DMD: variants seen among roughly 807,000 people sequenced by gnomAD.
DMD encodes the protein dystrophin.
In DMD, 63 loss-of-function variants were observed where a neutral mutation model predicts 330.1. The ratio of observed to expected loss-of-function variants is 0.19; its 90% confidence interval spans 0.16 to 0.24. The LOEUF (loss-of-function observed/expected upper bound fraction) is 0.24. Ranked by LOEUF, DMD falls within the 10% of genes least tolerant of loss-of-function variation. The pLI, the probability that DMD is intolerant of heterozygous loss-of-function variation, is 1.00. For missense variants in DMD, 3,344 were observed against 2,684.1 expected (o/e 1.25, Z -5.43); for synonymous variants, 1,223 against 959.8 (o/e 1.27, Z -5.07).
intron 42 of DMD, among the ~76,000 whole-genome samples, chrX:32,297,520 C>T (rs2097503083): frequency 9.0e-6 from 1 of 111,253 alleles, no homozygotes; most frequent in South Asian, 3.8e-4. Flanking sequence ...TGGTCACCCG[C>T]CTTGGCCTCC....
At position 32,693,976 on chromosome X, in the gene DMD, T is replaced by TTA. The variant is rs200330920; in HGVS notation, c.960+3892_960+3893dup. On this transcript the variant is annotated intron_variant, in intron 9 of 78. Transcript: ENST00000357033. ...ATTCCACTGTAGTAACTGCTATATA[T>TTA]TAGGATTTCCCAGACATCGTACCCT... Among the ~76,000 whole-genome samples the TTA allele has an allele frequency of 2.1e-3, 237 of 112,090 alleles. 2 individuals are homozygous for TTA. Among genetic ancestry groups the TTA allele is most frequent in the African/African-American group, 7.5e-3 (230 of 30,871 alleles).
At chrX:32,862,882 G>A (rs749942282) in intron 2 of DMD, among the ~76,000 whole-genome samples, 43 of 110,300 alleles carry the variant, frequency 3.9e-4, no homozygotes, top group South Asian at 2.8e-3. Flanking sequence ...GATTACAGGC[G>A]CGAGCCACTA....
intron 2 of DMD, among the ~76,000 whole-genome samples, chrX:32,855,868 T>C (rs980000228): frequency 2.7e-5 from 3 of 111,305 alleles, no homozygotes; most frequent in Non-Finnish European, 5.7e-5. Flanking sequence ...ATCAACAAAG[T>C]GAAGACACAA....
chrX:33,069,226 C>G (rs963681368), intron 1 of DMD, among the ~76,000 whole-genome samples: 5 of 111,020 alleles, frequency 4.5e-5, no homozygotes, highest in Admixed American at 3.9e-4. Flanking sequence ...TGTTTTTCAT[C>G]TCCTTCAACA....
At chrX:32,648,971 T>C (rs915538534) in intron 9 of DMD, among the ~76,000 whole-genome samples, 3 of 111,826 alleles carry the variant, frequency 2.7e-5, no homozygotes, top group African/African-American at 9.7e-5. Context: ...AAGATGCCAG[T>C]ATCATCAACT....
intron 52 of DMD, among the ~76,000 whole-genome samples, chrX:31,725,733 G>C (rs1005464759): frequency 7.1e-5 from 8 of 112,158 alleles, no homozygotes; most frequent in South Asian, 3.7e-4. Context: ...CCCCGAAATG[G>C]TAGTGGTGGG....
chrX:32,758,292 C>G (rs1028903432), intron 7 of DMD, among the ~76,000 whole-genome samples: 8 of 111,451 alleles, frequency 7.2e-5, no homozygotes, highest in Admixed American at 9.6e-5. Context: ...CATTTTAATT[C>G]TTTAGCTTTA....
chrX:32,377,912 T>C (rs937442271), intron 34 of DMD, among the ~76,000 whole-genome samples: 1 of 111,420 alleles, frequency 9.0e-6, no homozygotes, highest in Non-Finnish European at 1.9e-5. Context: ...TCTGCTCCAA[T>C]ATTTTTTCCT....
chrX:32,509,416 G>A (rs1287767145), intron 18 of DMD, among the ~76,000 whole-genome samples: 1 of 111,170 alleles, frequency 9.0e-6, no homozygotes, highest in Non-Finnish European at 1.9e-5. Context: ...AGTCTAAAGA[G>A]ATATATTTTG....
intron 62 of DMD, among the ~76,000 whole-genome samples, chrX:31,318,912 T>A (rs1310984960): frequency 1.8e-5 from 2 of 112,111 alleles, no homozygotes; most frequent in Non-Finnish European, 3.8e-5. Flanking sequence ...GACCAGCTTG[T>A]CTAAAAATCA....
At chrX:33,162,598 G>A (rs2048819651) in intron 1 of DMD, among the ~76,000 whole-genome samples, 1 of 111,559 alleles carries the variant, frequency 9.0e-6, no homozygotes, top group Non-Finnish European at 1.9e-5. Flanking sequence ...GGAAGAGTCA[G>A]GGGACTGCTG....
chrX:32,748,345 CAAAA>C (rs776751298), intron 7 of DMD, among the ~76,000 whole-genome samples: 1 of 48,576 alleles, frequency 2.1e-5, no homozygotes, highest in African/African-American at 7.8e-5. Context: ...GACTCCGTCT[CAAAA>C]AAAAAAAAAA....
chrX:32,468,564 G>C lies in DMD; in HGVS notation c.3096C>G (p.Leu1032=), dbSNP rs770148717. The C allele has an allele frequency of 6.8e-5, 82 of 1,208,915 alleles. 1 individual carries two copies. Among genetic ancestry groups the C allele is most frequent in the Non-Finnish European group, 8.7e-5 (78 of 894,843 alleles). Residue 1032 remains leucine (L), a synonymous_variant, in exon 23 of 79, where the codon CTC becomes CTG. Coordinates refer to ENST00000357033, the MANE Select transcript of DMD (RefSeq NM_004006.3). ...FEEIEGRWKK[L]SSQLVEHCQK... ...GACAATGCTCAACCAGCTGGGAGGA[G>C]AGCTTCTTCCAGCGTCCCTCAATTT...
chrX:31,271,218 A>C (rs192812782), intron 62 of DMD, among the ~76,000 whole-genome samples: 167 of 111,576 alleles, frequency 1.5e-3, no homozygotes, highest in African/African-American at 5.3e-3. Context: ...GAGATGATGA[A>C]TCCAGTCTTG....
At chrX:32,356,548 A>T (rs1057494721) in intron 37 of DMD, among the ~76,000 whole-genome samples, 3 of 111,077 alleles carry the variant, frequency 2.7e-5, no homozygotes, top group African/African-American at 9.8e-5. Context: ...TTCAAGGCCT[A>T]TATGGAAATT....
chrX:31,658,040 G>A lies in DMD; in HGVS notation c.7977C>T (p.Val2659=). Residue 2659 remains valine (V), a synonymous_variant, in exon 54 of 79, where the codon GTC becomes GTT. Transcript: ENST00000357033. ...RDYSADDTRK[V]HMITENINAS... is the part of the protein sequence containing the mutation. ...CATTGATATTCTCTGTTATCATGTG[G>A]ACTTTTCTGGTATCATCTGCAGAAT... 1 of 1,210,472 alleles carries A rather than the reference G, an allele frequency of 8.3e-7. No individual in the cohort carries two copies. Among genetic ancestry groups the A allele is most frequent in the Non-Finnish European group, 1.1e-6 (1 of 894,469 alleles).
intron 7 of DMD, among the ~76,000 whole-genome samples, chrX:32,723,444 T>A (rs1353152804): frequency 9.0e-6 from 1 of 111,651 alleles, no homozygotes; most frequent in Non-Finnish European, 1.9e-5. Context: ...ATAAATGGCT[T>A]TGGAGGTATT....
chrX:31,383,187 A>G (rs899616805), intron 60 of DMD, among the ~76,000 whole-genome samples: 3 of 110,740 alleles, frequency 2.7e-5, no homozygotes, highest in African/African-American at 6.6e-5. Context: ...ACTCCTGCCC[A>G]CCAGAGGACA....
chrX:31,730,366 A>G (rs2086414764), intron 51 of DMD, among the ~76,000 whole-genome samples: 1 of 111,989 alleles, frequency 8.9e-6, no homozygotes, highest in South Asian at 3.7e-4. Flanking sequence ...TTTTAAATAA[A>G]TTATCTAATT....
Sources: gnomAD v4.1 joint callset for allele counts (sites outside exome capture counted in the v4.1 genomes callset) on GRCh38, gnomAD v4.1.1 for gene constraint, MANE v1.5 for transcripts, NCBI Gene and HGNC (gene_info 2026-07-23, HGNC 2026-07-21) for gene names.